Variants in INPP5A observed in about 807,000 individuals in gnomAD.
INPP5A encodes the protein inositol polyphosphate-5-phosphatase A.
Under a neutral mutation model 65.2 loss-of-function variants are expected in INPP5A, and 14 were observed. The observed-to-expected ratio is 0.21, with a 90% CI of 0.14 to 0.34. The LOEUF (loss-of-function observed/expected upper bound fraction) is 0.34, where lower values mean the gene tolerates loss of function less well. Among genes scored for constraint, INPP5A ranks in the 10% least tolerant of loss-of-function variants. INPP5A has a pLI of 1.00. For synonymous variants in INPP5A, 207 were observed against 208.3 expected, an observed-to-expected ratio of 0.99 and a Z score of 0.05; for missense variants, 431 against 545.6, an observed-to-expected ratio of 0.79 and a Z score of 2.09.
At chr10:132,598,174 T>G (rs1427938407) in intron 1 of INPP5A, among the ~76,000 whole-genome samples, 4 of 152,196 alleles carry the variant, frequency 2.6e-5, no homozygotes, top group African/African-American at 9.7e-5. Context: ...GTGTGGAGAC[T>G]CAGTGTGTGG....
intron 13 of INPP5A, among the ~76,000 whole-genome samples, chr10:132,780,142 C>T (rs1438158442): frequency 1.3e-5 from 2 of 152,244 alleles, no homozygotes; most frequent in Non-Finnish European, 2.9e-5. Context: ...GAGCTTCCCA[C>T]TGCATTAAAG....
At chr10:132,586,503 G>T (rs1412289147) in intron 1 of INPP5A, among the ~76,000 whole-genome samples, 1 of 152,218 alleles carries the variant, frequency 6.6e-6, no homozygotes, top group Non-Finnish European at 1.5e-5. Flanking sequence ...TTCCTCTGTG[G>T]GAAGTGGTCA....
intron 2 of INPP5A, among the ~76,000 whole-genome samples, chr10:132,621,077 C>T (rs1324122607): frequency 6.6e-6 from 1 of 152,216 alleles, no homozygotes; most frequent in Non-Finnish European, 1.5e-5. Flanking sequence ...GTAACCATTT[C>T]TGATAAAAAC....
At chr10:132,652,796 A>G (rs1326940001) in intron 4 of INPP5A, among the ~76,000 whole-genome samples, 1 of 152,278 alleles carries the variant, frequency 6.6e-6, no homozygotes. Flanking sequence ...GGGTGCCCTC[A>G]GAACGAGCGT....
intron 9 of INPP5A, among the ~76,000 whole-genome samples, chr10:132,736,086 C>T (rs143260302): frequency 2.0e-3 from 304 of 152,340 alleles, no homozygotes; most frequent in Non-Finnish European, 3.5e-3. Context: ...TCTGGCACCA[C>T]GGAAGCTGTA....
chr10:132,771,331 T>C (rs938614040), intron 12 of INPP5A, among the ~76,000 whole-genome samples: 3 of 152,222 alleles, frequency 2.0e-5, no homozygotes, highest in African/African-American at 7.2e-5. Flanking sequence ...GGTAGCTTTT[T>C]GTTTAGTGCT....
intron 1 of INPP5A, among the ~76,000 whole-genome samples, chr10:132,591,804 C>T (rs1198445484): frequency 1.3e-5 from 2 of 152,038 alleles, no homozygotes; most frequent in African/African-American, 4.8e-5. Flanking sequence ...AGCTGCGCCT[C>T]TGCATGTGTT....
rs538899732 is a variant in INPP5A at position 132,775,408 on chromosome 10, G to A, written c.978-2263G>A. Among the ~76,000 whole-genome samples the A allele has an allele frequency of 4.1e-4, 63 of 152,174 alleles. No homozygotes were observed. The South Asian group carries it at 8.3e-3, about 20-fold the overall frequency. On this transcript the variant is annotated intron_variant, in intron 12 of 15. Transcript: ENST00000368594. ...CCCACGTCAGTCACTGCTGGGCAGC[G>A]TCCAGGCCCCGCGTCCTGCTGCTCT... is the stretch of plus-strand genomic sequence containing the variant.
At chr10:132,723,647 A>ATGTGGGGATTGGCTG (rs1353323099) in intron 8 of INPP5A, among the ~76,000 whole-genome samples, 2 of 100,746 alleles carry the variant, frequency 2.0e-5, no homozygotes, top group Non-Finnish European at 4.0e-5. Flanking sequence ...GGGATTGGCC[A>ATGTGGGGATTGGCTG]TGTGGGGATT....
At chr10:132,541,938 C>T (rs1463269386) in intron 1 of INPP5A, among the ~76,000 whole-genome samples, 1 of 152,260 alleles carries the variant, frequency 6.6e-6, no homozygotes, top group Non-Finnish European at 1.5e-5. Context: ...TGGACTCCTG[C>T]TGTCACTACT....
rs139308810 is a variant in INPP5A, at chr10:132,597,585, G to T, written c.76-10330G>T. ...GGCAAGTTAAACAATAGTGTTACATGTTGGGGATATGTTTATATGCAGAGC... is the reference window on the plus strand; with the variant it reads ...GGCAAGTTAAACAATAGTGTTACATTTTGGGGATATGTTTATATGCAGAGC... On this transcript the variant is annotated intron_variant, in intron 1 of 15. Coordinates refer to ENST00000368594, the MANE Select transcript of INPP5A (RefSeq NM_005539.5). Among the ~76,000 whole-genome samples the T allele has an allele frequency of 3.2e-3, 480 of 152,330 alleles. 1 individual carries two copies. Among genetic ancestry groups the T allele is most frequent in the African/African-American group, 9.9e-3 (410 of 41,560 alleles).
At chr10:132,683,383 G>A (rs1233978524) in intron 4 of INPP5A, among the ~76,000 whole-genome samples, 1 of 146,322 alleles carries the variant, frequency 6.8e-6, no homozygotes, top group South Asian at 2.2e-4. Flanking sequence ...CGTTTAATCT[G>A]CGTGTACACA....
chr10:132,725,022 C>G (rs147731085), intron 8 of INPP5A, among the ~76,000 whole-genome samples: 5,453 of 151,790 alleles, frequency 0.036, 122 homozygotes, highest in Non-Finnish European at 0.052. Context: ...TCACGGGGGG[C>G]CCCAGGCCAG....
intron 5 of INPP5A, among the ~76,000 whole-genome samples, chr10:132,693,321 A>G (rs1243196460): frequency 6.6e-6 from 1 of 152,212 alleles, no homozygotes; most frequent in East Asian, 1.9e-4. Flanking sequence ...CTCCAACTAT[A>G]TCAACGATCC....
intron 1 of INPP5A, among the ~76,000 whole-genome samples, chr10:132,582,783 G>A (rs899924258): frequency 2.0e-5 from 3 of 152,130 alleles, no homozygotes; most frequent in African/African-American, 4.8e-5. Context: ...TTCTGGATTC[G>A]CTATTCTGCT....
chr10:132,652,984 G>A (rs1276555607), intron 4 of INPP5A, among the ~76,000 whole-genome samples: 1 of 152,206 alleles, frequency 6.6e-6, no homozygotes, highest in African/African-American at 2.4e-5. Flanking sequence ...CCTCCTGCTG[G>A]CCGATGTGCA....
chr10:132,712,143 C>T (rs762426141), intron 8 of INPP5A, among the ~76,000 whole-genome samples: 1 of 152,246 alleles, frequency 6.6e-6, no homozygotes, highest in Non-Finnish European at 1.5e-5. Context: ...GAACAGCAGC[C>T]AGCAGGTCCC....
intron 13 of INPP5A, 157 bp downstream of exon 13, chr10:132,777,939 C>T: frequency 6.8e-7 from 1 of 1,462,788 alleles, no homozygotes; most frequent in Non-Finnish European, 9.0e-7. Context: ...GAGCTGCACC[C>T]CAGCATTGGG....
At chr10:132,669,046 A>G (rs1302685434) in intron 4 of INPP5A, among the ~76,000 whole-genome samples, 1 of 152,016 alleles carries the variant, frequency 6.6e-6, no homozygotes, top group Non-Finnish European at 1.5e-5. Context: ...CGAGGTCAGG[A>G]GATAGAGACC....
Sources: gnomAD v4.1 joint callset for allele counts (sites outside exome capture counted in the v4.1 genomes callset) on GRCh38, gnomAD v4.1.1 for gene constraint, MANE v1.5 for transcripts, NCBI Gene and HGNC (gene_info 2026-07-23, HGNC 2026-07-21) for gene names.